The following CAMTA1 variants were observed in gnomAD, a reference collection of about 807,000 sequenced individuals.
CAMTA1 encodes the protein calmodulin-binding transcription activator 1.
Under a neutral mutation model 170.9 loss-of-function variants are expected in CAMTA1, and 27 were observed. The observed-to-expected ratio is 0.16, with a 90% CI of 0.12 to 0.22. The LOEUF (loss-of-function observed/expected upper bound fraction) is 0.22, where lower values mean the gene tolerates loss of function less well. Among genes scored for constraint, CAMTA1 ranks in the 10% least tolerant of loss-of-function variants. The pLI is 1.00. For missense variants in CAMTA1, 1,619 were observed against 2,217.2 expected, an observed-to-expected ratio of 0.73 and a Z score of 5.42; for synonymous variants, 833 against 891.5, an observed-to-expected ratio of 0.93 and a Z score of 1.17.
rs758418119 is a variant in CAMTA1 at position 7,685,138 on chromosome 1, TGAG to T, written c.2914+7409_2914+7411del. ...TCCTGCGGTCACAGGTGGTGTGTTT[TGAG>T]GAGTTCGCAGGCACCGTCCTGAGGT... is the stretch of plus-strand genomic sequence containing the variant. On this transcript the variant is annotated intron_variant, in intron 11 of 22. Coordinates refer to ENST00000303635, the MANE Select transcript of CAMTA1 (RefSeq NM_015215.4). The surrounding 1 kb of genome is among the most constrained non-coding windows in gnomAD (Gnocchi z 5.7). Among the ~76,000 whole-genome samples, 1 of 152,126 alleles carries T rather than the reference TGAG, an allele frequency of 6.6e-6. No individual in the cohort carries two copies. Among genetic ancestry groups the T allele is most frequent in the Non-Finnish European group, 1.5e-5 (1 of 68,008 alleles).
chr1:7,457,441 C>T (rs2092984555), intron 5 of CAMTA1, among the ~76,000 whole-genome samples: 1 of 151,920 alleles, frequency 6.6e-6, no homozygotes, highest in Non-Finnish European at 1.5e-5. Flanking sequence ...TGGGTGGGGG[C>T]AGAGGCACGG....
chr1:7,352,862 G>C (rs2084792494), intron 5 of CAMTA1, among the ~76,000 whole-genome samples: 1 of 152,204 alleles, frequency 6.6e-6, no homozygotes, highest in South Asian at 2.1e-4. Context: ...AGGGAGCTGG[G>C]ATGAAAGCTC....
At chr1:6,851,886 C>T (rs933120164) in intron 3 of CAMTA1, among the ~76,000 whole-genome samples, 3 of 151,294 alleles carry the variant, frequency 2.0e-5, no homozygotes, top group Admixed American at 1.3e-4. Flanking sequence ...TGGTGGTGCA[C>T]GCCTGTAATT....
chr1:7,759,149 A>T (rs2096955804), intron 22 of CAMTA1, among the ~76,000 whole-genome samples: 1 of 144,058 alleles, frequency 6.9e-6, no homozygotes, highest in African/African-American at 2.9e-5. Context: ...ACCCTGTCCC[A>T]GAAAAGAAAA....
At chr1:7,353,530 A>G (rs190730431) in intron 5 of CAMTA1, among the ~76,000 whole-genome samples, 3 of 151,318 alleles carry the variant, frequency 2.0e-5, no homozygotes, top group African/African-American at 7.3e-5. Flanking sequence ...GGATCAAGCA[A>G]TCTCCTGCCT....
chr1:7,142,008 G>T, intron 4 of CAMTA1: 1 of 479,662 alleles, frequency 2.1e-6, no homozygotes. Context: ...TTTTCCTGAT[G>T]TCTTGGCTGC....
intron 6 of CAMTA1, among the ~76,000 whole-genome samples, chr1:7,589,088 G>A (rs1228062039): frequency 6.6e-6 from 1 of 152,248 alleles, no homozygotes; most frequent in Non-Finnish European, 1.5e-5. Context: ...TAGCTGGGAA[G>A]GGAATTGTAG....
At chr1:7,378,996 G>A (rs1320640295) in intron 5 of CAMTA1, among the ~76,000 whole-genome samples, 2 of 152,158 alleles carry the variant, frequency 1.3e-5, no homozygotes, top group African/African-American at 2.4e-5. Context: ...CCTGACAGTG[G>A]CCTGTGCGCC....
At chr1:7,549,623 T>C (rs1340295505) in intron 6 of CAMTA1, among the ~76,000 whole-genome samples, 1 of 152,174 alleles carries the variant, frequency 6.6e-6, no homozygotes, top group Non-Finnish European at 1.5e-5. Context: ...CTCACAAATA[T>C]TTTTAAGGAC....
At chr1:7,027,725 A>G (rs1422396934) in intron 3 of CAMTA1, among the ~76,000 whole-genome samples, 1 of 152,154 alleles carries the variant, frequency 6.6e-6, no homozygotes, top group Admixed American at 6.5e-5. Context: ...TTAGTCTGAC[A>G]GTGGGCGTGG....
At chr1:7,241,844 A>G (rs1460598037) in intron 4 of CAMTA1, among the ~76,000 whole-genome samples, 1 of 152,214 alleles carries the variant, frequency 6.6e-6, no homozygotes. Context: ...AAAGATATAA[A>G]AGATATAGAA....
At chr1:7,271,897 C>T (rs187667616) in intron 5 of CAMTA1, among the ~76,000 whole-genome samples, 2 of 152,194 alleles carry the variant, frequency 1.3e-5, no homozygotes, top group East Asian at 3.9e-4. Context: ...GATGAAATGA[C>T]TGCAGTTTAC....
rs2083138143 is a variant in CAMTA1, at chr1:7,333,151, A to G, written c.438+83525A>G. On this transcript the variant is annotated intron_variant, in intron 5 of 22. Coordinates refer to ENST00000303635, the MANE Select transcript of CAMTA1 (RefSeq NM_015215.4). The surrounding 1 kb of genome is among the most constrained non-coding windows in gnomAD (Gnocchi z 4.4). ...GCAGGTCACCCAGTGACTGGCATTC[A>G]GGAGCTAAACTGATTGATGGTAAAC... is the stretch of plus-strand genomic sequence containing the variant. Among the ~76,000 whole-genome samples, 1 of 152,208 alleles carries G rather than the reference A, an allele frequency of 6.6e-6. No individual in the cohort carries two copies. Among genetic ancestry groups the G allele is most frequent in the Non-Finnish European group, 1.5e-5 (1 of 68,030 alleles).
At position 7,568,230 on chromosome 1, in the gene CAMTA1, A is replaced by G. The variant is rs564775258; in HGVS notation, c.511-72170A>G. ...TCACCACATCACCATCACCACCACC[A>G]TCCATCATCAACATCACCGTCGTCA... On this transcript the variant is annotated intron_variant, in intron 6 of 22. Coordinates refer to ENST00000303635, the MANE Select transcript of CAMTA1 (RefSeq NM_015215.4). Among the ~76,000 whole-genome samples the G allele has an allele frequency of 7.7e-3, 1,166 of 150,886 alleles. 12 individuals are homozygous for G. The highest frequency in any genetic ancestry group is 0.026 in the African/African-American group (1,074 of 40,768).
At chr1:7,411,096 A>G (rs1447589217) in intron 5 of CAMTA1, among the ~76,000 whole-genome samples, 2 of 152,124 alleles carry the variant, frequency 1.3e-5, no homozygotes, top group East Asian at 1.9e-4. Flanking sequence ...GATTCTCACC[A>G]CGGTCATCCT....
At chr1:7,668,136 G>A (rs2096017496) in intron 9 of CAMTA1, among the ~76,000 whole-genome samples, 1 of 152,150 alleles carries the variant, frequency 6.6e-6, no homozygotes, top group African/African-American at 2.4e-5. Context: ...GCCAGGTTCT[G>A]CCAAGCTCAG....
chr1:6,913,040 G>A (rs937464690), intron 3 of CAMTA1, among the ~76,000 whole-genome samples: 2 of 152,214 alleles, frequency 1.3e-5, no homozygotes, highest in Non-Finnish European at 2.9e-5. Context: ...CCATCAGCAT[G>A]CCGTGACCTT....
chr1:7,471,910 C>T (rs1329588676), intron 6 of CAMTA1, among the ~76,000 whole-genome samples: 3 of 152,256 alleles, frequency 2.0e-5, no homozygotes. Context: ...CGCAGGGGAC[C>T]AGGCCCCCAT....
intron 3 of CAMTA1, among the ~76,000 whole-genome samples, chr1:6,962,023 C>T (rs573166352): frequency 2.0e-5 from 3 of 152,364 alleles, no homozygotes; most frequent in Non-Finnish European, 2.9e-5. Context: ...AGCCAAGCCC[C>T]CTCAGCCTCC....
Sources: allele counts gnomAD v4.1 joint callset (sites outside exome capture counted in the v4.1 genomes callset), GRCh38; gene constraint gnomAD v4.1.1; non-coding constraint Gnocchi (gnomAD v3.1); transcripts MANE v1.5; gene names NCBI Gene and HGNC (gene_info 2026-07-23, HGNC 2026-07-21).